Variants in SDCCAG8 observed in about 807,000 individuals in gnomAD.
The protein encoded by SDCCAG8 is serologically defined colon cancer antigen 8.
A neutral mutation model predicts 101.8 loss-of-function variants in SDCCAG8; 74 were observed. The observed-to-expected ratio is 0.73, with a 90% CI of 0.60 to 0.88. The LOEUF is 0.88. SDCCAG8 is among the 40% of genes least tolerant of loss of function. The pLI, the probability that SDCCAG8 is intolerant of heterozygous loss-of-function variation, is 0.00. For synonymous variants in SDCCAG8, 281 were observed against 292.9 expected (o/e 0.96, Z 0.41); for missense variants, 787 against 822.6 (o/e 0.96, Z 0.53).
chr1:243,291,996 T>A (rs1195612355), intron 5 of SDCCAG8, among the ~76,000 whole-genome samples: 3 of 152,206 alleles, frequency 2.0e-5, no homozygotes, highest in Non-Finnish European at 4.4e-5. Flanking sequence ...ATTACTGGTT[T>A]ATTATTATAT....
chr1:243,393,291 G>A (rs1573776848), intron 13 of SDCCAG8, among the ~76,000 whole-genome samples: 1 of 152,066 alleles, frequency 6.6e-6, no homozygotes, highest in African/African-American at 2.4e-5. Context: ...CAGCCATCTT[G>A]TGTAGAACAG....
At chr1:243,409,661 T>C (rs1415746953) in intron 13 of SDCCAG8, among the ~76,000 whole-genome samples, 1 of 152,166 alleles carries the variant, frequency 6.6e-6, no homozygotes, top group Non-Finnish European at 1.5e-5. Flanking sequence ...ACATGTCACG[T>C]AGGAACCACC....
chr1:243,418,957 G>C (rs1167700512), intron 15 of SDCCAG8, among the ~76,000 whole-genome samples: 1 of 151,950 alleles, frequency 6.6e-6, no homozygotes, highest in Non-Finnish European at 1.5e-5. Flanking sequence ...TAGATCTATT[G>C]AGAGCAGGAA....
intron 6 of SDCCAG8, among the ~76,000 whole-genome samples, chr1:243,300,412 T>C (rs2071387506): frequency 6.6e-6 from 1 of 152,236 alleles, no homozygotes. Flanking sequence ...ACCTATGTAT[T>C]TGTAATTACT....
intron 13 of SDCCAG8, among the ~76,000 whole-genome samples, chr1:243,379,407 A>G (rs943630417): frequency 6.6e-5 from 10 of 152,196 alleles, no homozygotes; most frequent in Admixed American, 5.9e-4. Flanking sequence ...TGAGGTTTCA[A>G]ATTACTTCAT....
At chr1:243,426,247 C>T (rs757620695) in intron 15 of SDCCAG8, among the ~76,000 whole-genome samples, 180 bp from the exon 16 acceptor site, 2 of 152,198 alleles carry the variant, frequency 1.3e-5, no homozygotes, top group African/African-American at 2.4e-5. Flanking sequence ...CTGTCTAACA[C>T]ATGAGTCTCT....
At chr1:243,260,977 G>A (rs545039382) in intron 1 of SDCCAG8, among the ~76,000 whole-genome samples, 2 of 152,066 alleles carry the variant, frequency 1.3e-5, no homozygotes, top group Non-Finnish European at 2.9e-5. Context: ...TTGGATTCCC[G>A]TTTCCTCAAC....
At chr1:243,386,265 C>T (rs540793520) in intron 13 of SDCCAG8, among the ~76,000 whole-genome samples, 36 of 152,244 alleles carry the variant, frequency 2.4e-4, no homozygotes, top group African/African-American at 6.7e-4. Flanking sequence ...GGTTTTGAAC[C>T]CCAGTAAGTT....
At chr1:243,432,292 T>A (rs1335417514) in intron 16 of SDCCAG8, among the ~76,000 whole-genome samples, 1 of 113,464 alleles carries the variant, frequency 8.8e-6, no homozygotes, top group African/African-American at 3.3e-5. Flanking sequence ...AAAAACCAGA[T>A]ACCGTATGTT....
intron 16 of SDCCAG8, among the ~76,000 whole-genome samples, chr1:243,478,956 C>CAAAAAAAAAAAAAAA (rs148382740): frequency 1.1e-4 from 10 of 94,692 alleles, no homozygotes; most frequent in South Asian, 3.6e-4. Context: ...GACTCTGTCT[C>CAAAAAAAAAAAAAAA]AAAAAAAAAA....
chr1:243,274,402 C>T (rs903787538), intron 3 of SDCCAG8, 141 bp from the exon 4 acceptor site: 5 of 576,602 alleles, frequency 8.7e-6, no homozygotes, highest in Admixed American at 5.5e-5. Context: ...ACATTGTGAT[C>T]GATTCTATGT....
chr1:243,360,722 T>C (rs1367596670), intron 12 of SDCCAG8, among the ~76,000 whole-genome samples: 1 of 152,062 alleles, frequency 6.6e-6, no homozygotes, highest in Non-Finnish European at 1.5e-5. Flanking sequence ...CTCGGGAGGC[T>C]GAGGCAGGAG....
At position 243,256,069 on chromosome 1, in the gene SDCCAG8, C is replaced by T. The variant is rs1208929062; in HGVS notation, c.-105C>T. 1.3e-5 allele frequency: 14 copies of T among 1,048,448 alleles called. No individual in the cohort carries two copies. Among genetic ancestry groups the T allele is most frequent in the Non-Finnish European group, 1.8e-5 (12 of 664,690 alleles). 64.9% of individuals were successfully genotyped at this position (1,048,448 alleles called of 1,614,324 possible). ...CTAGGCTCCCCTGTGACAGCCGCGG[C>T]AGGAAGCAGGCGGGCGCTCCCCGGC... On this transcript the variant is annotated 5_prime_UTR_variant, in exon 1 of 18. Coordinates refer to ENST00000366541, the MANE Select transcript of SDCCAG8 (RefSeq NM_006642.5).
intron 16 of SDCCAG8, among the ~76,000 whole-genome samples, chr1:243,469,794 G>C (rs921358767): frequency 6.7e-6 from 1 of 150,176 alleles, no homozygotes; most frequent in Non-Finnish European, 1.5e-5. Context: ...TTTCAGTTTG[G>C]TCCCTTCCTA....
At chr1:243,332,705 G>A (rs1242867119) in intron 10 of SDCCAG8, among the ~76,000 whole-genome samples, 12 of 151,288 alleles carry the variant, frequency 7.9e-5, no homozygotes, top group East Asian at 3.9e-4. Flanking sequence ...GGTGATTTTC[G>A]CGGTCCAGGT....
chr1:243,492,595 C>T (rs12093576), intron 17 of SDCCAG8, among the ~76,000 whole-genome samples: 66,508 of 140,492 alleles, frequency 0.47, 17,610 homozygotes, highest in Middle Eastern at 0.61. Flanking sequence ...TGAGCCACTG[C>T]GCCCAGCTGT....
At chr1:243,395,140 G>A (rs1471490919) in intron 13 of SDCCAG8, among the ~76,000 whole-genome samples, 1 of 152,114 alleles carries the variant, frequency 6.6e-6, no homozygotes, top group East Asian at 1.9e-4. Flanking sequence ...ATTTGTTTAT[G>A]TTCGTATCAT....
At chr1:243,257,188 CAT>C (rs1249773271) in intron 1 of SDCCAG8, among the ~76,000 whole-genome samples, 2 of 152,140 alleles carry the variant, frequency 1.3e-5, no homozygotes, top group African/African-American at 2.4e-5. Context: ...TTATATGGGA[CAT>C]ATGTGTACAT....
intron 10 of SDCCAG8, among the ~76,000 whole-genome samples, chr1:243,336,358 A>G (rs148554371): frequency 4.6e-5 from 7 of 152,230 alleles, no homozygotes; most frequent in Admixed American, 2.0e-4. Flanking sequence ...TTTGATTTGC[A>G]TTTCTATGAT....
Sources: allele counts gnomAD v4.1 joint callset (sites outside exome capture counted in the v4.1 genomes callset), GRCh38; gene constraint gnomAD v4.1.1; transcripts MANE v1.5; gene names NCBI Gene and HGNC (gene_info 2026-07-23, HGNC 2026-07-21).